Variants in FKBP15 observed in about 807,000 individuals in gnomAD.
FKBP15 encodes the protein FK506-binding protein 15.
A neutral mutation model predicts 158.1 loss-of-function variants in FKBP15; 106 were observed. The observed-to-expected ratio is 0.67, with a 90% confidence interval of 0.57 to 0.79. The LOEUF is 0.79. Among genes scored for constraint, FKBP15 ranks in the 30% least tolerant of loss-of-function variants. The pLI is 0.00. For missense variants in FKBP15, 1,287 were observed against 1,479.1 expected (o/e 0.87, Z 2.13); for synonymous variants, 547 against 548.6 (o/e 1.00, Z 0.04).
At chr9:113,215,666 T>C (rs1831114216) in intron 1 of FKBP15, among the ~76,000 whole-genome samples, 1 of 116,016 alleles carries the variant, frequency 8.6e-6, no homozygotes, top group Non-Finnish European at 1.8e-5. Context: ...TTTTTTTTTT[T>C]TGAGATGCAG....
chr9:113,219,063 A>G (rs988926836), intron 1 of FKBP15, among the ~76,000 whole-genome samples: 1 of 152,240 alleles, frequency 6.6e-6, no homozygotes, highest in Non-Finnish European at 1.5e-5. Flanking sequence ...ACTGTGCCTT[A>G]TTCCTATCTG....
chr9:113,176,461 C>T (rs1344289499), intron 21 of FKBP15, 76 bp downstream of exon 21: 3 of 1,434,456 alleles, frequency 2.1e-6, no homozygotes, highest in South Asian at 2.7e-5. Flanking sequence ...TAAGCACATA[C>T]TATTGTAATT....
intron 3 of FKBP15, chr9:113,206,829 G>C (rs900096609): frequency 2.1e-6 from 1 of 468,410 alleles, no homozygotes. Context: ...CAATTCTTCT[G>C]CCTCGGCCTC....
At chr9:113,211,699 T>A (rs933147218) in intron 1 of FKBP15, 107 bp from the exon 2 acceptor site, 1 of 626,276 alleles carries the variant, frequency 1.6e-6, no homozygotes, top group Non-Finnish European at 2.7e-6. Flanking sequence ...CTTGACTACA[T>A]CCCACCATTC....
rs370801370 is a variant in FKBP15, at chr9:113,168,588, T to C, written c.3486-32A>G. ...GAAAATCAAGTCATAGAAAATGTTA[T>C]TGTTCCTGCTCCAGGTCACAGTACC... is the stretch of plus-strand genomic sequence containing the variant. On this transcript the variant is annotated intron_variant, in intron 26 of 27. Coordinates refer to ENST00000238256, the MANE Select transcript of FKBP15 (RefSeq NM_015258.2). The C allele has an allele frequency of 4.4e-6, 7 of 1,596,198 alleles. No individual in the cohort carries two copies. The African/African-American group carries it at 8.0e-5, about 18-fold the overall frequency.
chr9:113,206,230 A>C, intron 4 of FKBP15: 1 of 484,874 alleles, frequency 2.1e-6, no homozygotes, highest in Non-Finnish European at 3.7e-6. Context: ...GCACCCCACA[A>C]TTGAACAACA....
intron 3 of FKBP15, chr9:113,206,990 T>C (rs1291921438): frequency 1.6e-5 from 8 of 499,976 alleles, no homozygotes; most frequent in Non-Finnish European, 2.9e-5. Context: ...ATTTGACAGC[T>C]GTTGAGGGTA....
At chr9:113,196,186 G>A (rs1199210464) in intron 9 of FKBP15, among the ~76,000 whole-genome samples, 1 of 152,036 alleles carries the variant, frequency 6.6e-6, no homozygotes, top group Non-Finnish European at 1.5e-5. Flanking sequence ...CATTTAGGTT[G>A]TTGCCAGTTT....
intron 19 of FKBP15, among the ~76,000 whole-genome samples, chr9:113,181,800 T>C (rs879336249): frequency 6.6e-6 from 1 of 151,914 alleles, no homozygotes; most frequent in Non-Finnish European, 1.5e-5. Flanking sequence ...GAAGGAGAAA[T>C]AGTAAAAAGT....
At chr9:113,167,916 G>A (rs1830123898) in intron 27 of FKBP15, among the ~76,000 whole-genome samples, 1 of 152,132 alleles carries the variant, frequency 6.6e-6, no homozygotes, top group Non-Finnish European at 1.5e-5. Context: ...GGGATATTGT[G>A]ATGACAAAAC....
intron 11 of FKBP15, among the ~76,000 whole-genome samples, chr9:113,192,853 GA>G (rs1407223313): frequency 6.6e-6 from 1 of 152,178 alleles, no homozygotes; most frequent in Non-Finnish European, 1.5e-5. Flanking sequence ...AAGTAGAAGA[GA>G]CCGTCTAGGA....
At chr9:113,205,098 G>C (rs1031426386) in intron 4 of FKBP15, among the ~76,000 whole-genome samples, 12 of 152,150 alleles carry the variant, frequency 7.9e-5, no homozygotes, top group African/African-American at 2.9e-4. Flanking sequence ...AAAACGTAGA[G>C]GTGAATCGTC....
chr9:113,177,984 G>C (rs2118876306), intron 20 of FKBP15, among the ~76,000 whole-genome samples: 1 of 152,234 alleles, frequency 6.6e-6, no homozygotes, highest in East Asian at 1.9e-4. Context: ...TGAGATAAAG[G>C]ATTTTTTTTT....
At position 113,184,709 on chromosome 9, in the gene FKBP15, GA is replaced by G. The variant is rs1325072509; in HGVS notation, c.1593del (p.His532IlefsTer3). 3.7e-6 allele frequency: 6 copies of G among 1,605,632 alleles called. 1 individual carries two copies. The highest frequency in any genetic ancestry group is 4.3e-6 in the Non-Finnish European group (5 of 1,175,676). On this transcript the variant is annotated frameshift_variant, in exon 16 of 28. Transcript: ENST00000238256. LOFTEE classifies it high-confidence loss of function. The surrounding 1 kb of genome is among the most constrained non-coding windows in gnomAD (Gnocchi z 4.5). ...GACTCAGTCACCTTAGTCATGAGATGATCCATTTTATCAGCCACTTTGCTGA... is the reference window on the plus strand; with the variant it reads ...GACTCAGTCACCTTAGTCATGAGATGTCCATTTTATCAGCCACTTTGCTGA... ...MAVSKVADKM[D>X]HLMTKVEELQ... is the part of the protein sequence containing the mutation.
intron 24 of FKBP15, among the ~76,000 whole-genome samples, chr9:113,171,285 G>A (rs1019104603): frequency 6.6e-6 from 1 of 152,134 alleles, no homozygotes; most frequent in Non-Finnish European, 1.5e-5. Context: ...AATTAGCTGG[G>A]TGTGGTGGCG....
intron 1 of FKBP15, among the ~76,000 whole-genome samples, chr9:113,219,238 A>G (rs1327848584): frequency 1.3e-5 from 2 of 152,200 alleles, no homozygotes; most frequent in African/African-American, 2.4e-5. Flanking sequence ...ATTATCAGAT[A>G]CTCCTACTTC....
rs1414879217 is a variant in FKBP15 at position 113,161,270 on chromosome 9, C to T, written c.*4808G>A. The stretch of plus-strand genomic sequence containing the variant: ...TGGGGGAGTGGGTGGGGTAATGGTA[C>T]GTGGCTTCTTCACCCTCAGCCCCTG... On this transcript the variant is annotated 3_prime_UTR_variant, in exon 28 of 28. Transcript: ENST00000238256. The T allele has an allele frequency of 2.3e-5, 12 of 522,234 alleles. No individual in the cohort carries two copies. Among genetic ancestry groups the T allele is most frequent in the South Asian group, 5.0e-5 (2 of 40,078 alleles). The allele number at this position is 522,234 out of a possible 1,614,324, so 32.4% of individuals were successfully genotyped here. A position where few individuals can be genotyped will look rare whatever the true frequency, so the allele number is the denominator to read the frequency against.
rs768598938 is a variant in FKBP15 at position 113,202,990 on chromosome 9, C to T, written c.370G>A (p.Ala124Thr). The change falls in exon 5 of 28, where the codon GCT becomes ACT. Residue 124 changes from alanine to threonine, a missense_variant. By Grantham distance (58) the Ala-to-Thr change is moderately conservative. Coordinates refer to ENST00000238256, the MANE Select transcript of FKBP15 (RefSeq NM_015258.2). ...AGCTCAAAGTTCACATGAATCCTAGCAACCGTAACTGGCTGTTGTTGACTG... is the reference window on the plus strand; with the variant it reads ...AGCTCAAAGTTCACATGAATCCTAGTAACCGTAACTGGCTGTTGTTGACTG... ...YISQQQPVTVARIHVNFELMV... is the reference protein window; with the variant it reads ...YISQQQPVTVTRIHVNFELMV... 6.2e-7 allele frequency: 1 copy of T among 1,612,834 alleles called. No homozygotes were observed. The highest frequency in any genetic ancestry group is 8.5e-7 in the Non-Finnish European group (1 of 1,179,498).
At chr9:113,206,671 T>C (rs3935547) in intron 3 of FKBP15, 93 bp from the exon 4 acceptor site, 140,858 of 684,110 alleles carry the variant, frequency 0.21, 11,432 homozygotes, top group African/African-American at 0.33. Flanking sequence ...GGAACAACAG[T>C]CATTCAGCCT....
Sources: allele counts gnomAD v4.1 joint callset (sites outside exome capture counted in the v4.1 genomes callset), GRCh38; gene constraint gnomAD v4.1.1; non-coding constraint Gnocchi (gnomAD v3.1); transcripts MANE v1.5; gene names NCBI Gene and HGNC (gene_info 2026-07-23, HGNC 2026-07-21).